AQP9: variants seen among roughly 807,000 people sequenced by gnomAD.
AQP9 encodes the protein aquaporin-9.
In AQP9, 19 loss-of-function variants were observed where a neutral mutation model predicts 23.8. The observed-to-expected ratio is 0.80, with a 90% CI of 0.56 to 1.17. AQP9 has a LOEUF of 1.17. AQP9 is among the 50% of genes most tolerant of loss of function. AQP9 has a pLI of 0.00. For missense variants in AQP9, 413 were observed against 362.0 expected (o/e 1.14, Z -1.14); for synonymous variants, 153 against 131.5 (o/e 1.16, Z -1.12).
At chr15:58,165,763 CA>C (rs1898487226) in intron 1 of AQP9, among the ~76,000 whole-genome samples, 1 of 152,040 alleles carries the variant, frequency 6.6e-6, no homozygotes, top group African/African-American at 2.4e-5. Context: ...TTTCATTCTC[CA>C]AAATATCCTC....
At chr15:58,176,426 G>A (rs1343623824) in intron 4 of AQP9, among the ~76,000 whole-genome samples, 1 of 152,070 alleles carries the variant, frequency 6.6e-6, no homozygotes, top group African/African-American at 2.4e-5. Context: ...GCTGAGGTGG[G>A]AGGATAGCTT....
intron 3 of AQP9, among the ~76,000 whole-genome samples, chr15:58,173,888 C>T (rs184109786): frequency 5.3e-5 from 8 of 152,286 alleles, no homozygotes; most frequent in Admixed American, 1.3e-4. Flanking sequence ...ACTGTTAAAG[C>T]AGCTCCTTCC....
chr15:58,158,751 A>G (rs1185214023), intron 1 of AQP9, among the ~76,000 whole-genome samples: 1 of 152,214 alleles, frequency 6.6e-6, no homozygotes, highest in East Asian at 1.9e-4. Context: ...AGATCACAAA[A>G]GGTAGATAGA....
At chr15:58,168,993 A>G (rs536005341) in intron 2 of AQP9, among the ~76,000 whole-genome samples, 5 of 152,274 alleles carry the variant, frequency 3.3e-5, no homozygotes, top group Middle Eastern at 3.4e-3. Flanking sequence ...CACTGCTGTT[A>G]ACACCCTTCA....
chr15:58,175,884 C>A (rs1338730854), intron 4 of AQP9, among the ~76,000 whole-genome samples: 6 of 152,180 alleles, frequency 3.9e-5, no homozygotes, highest in African/African-American at 1.4e-4. Flanking sequence ...ATCAAACAGG[C>A]AACAAGTGTT....
chr15:58,170,177 C>T (rs1898589956), intron 2 of AQP9, among the ~76,000 whole-genome samples: 1 of 152,142 alleles, frequency 6.6e-6, no homozygotes, highest in Non-Finnish European at 1.5e-5. Context: ...GGTGACCACT[C>T]ATCTCTGCGG....
At chr15:58,155,048 G>C (rs118039649) in intron 1 of AQP9, 11 of 152,278 alleles carry the variant, frequency 7.2e-5, no homozygotes, top group Non-Finnish European at 1.5e-4. Flanking sequence ...ATTTCTACAT[G>C]ATGAAACTTT....
rs1897894807 is a variant in AQP9 at position 58,138,475 on chromosome 15, T to C, written c.-91T>C. The C allele has an allele frequency of 2.1e-6, 2 of 968,972 alleles. No homozygotes were observed. Among genetic ancestry groups the C allele is most frequent in the Non-Finnish European group, 3.2e-6 (2 of 631,408 alleles). 60.0% of individuals were successfully genotyped at this position (968,972 alleles called of 1,614,324 possible). A position where few individuals can be genotyped will look rare whatever the true frequency, so the allele number is the denominator to read the frequency against. ...ACATCTCCAGGAATCTGTGAGCCAT[T>C]GTCAAAACGTCCATTTTCATCTGGC... On this transcript the variant is annotated 5_prime_UTR_variant, in exon 1 of 6. Coordinates refer to ENST00000219919, the MANE Select transcript of AQP9 (RefSeq NM_020980.5).
intron 1 of AQP9, among the ~76,000 whole-genome samples, chr15:58,145,748 C>T (rs1202295979): frequency 1.3e-5 from 2 of 152,186 alleles, no homozygotes; most frequent in Admixed American, 6.5e-5. Flanking sequence ...TTACTGCATA[C>T]ACCCACTACT....
intron 1 of AQP9, chr15:58,154,204 C>T (rs1390066502): frequency 6.6e-6 from 1 of 152,118 alleles, no homozygotes; most frequent in Non-Finnish European, 1.5e-5. Context: ...TCCCCCAACT[C>T]AAGTCTATTT....
chr15:58,168,021 T>C (rs867206623), intron 2 of AQP9, among the ~76,000 whole-genome samples: 32 of 149,984 alleles, frequency 2.1e-4, no homozygotes, highest in African/African-American at 6.9e-4. Context: ...CACCGCACCC[T>C]GCCTGTTTTT....
intron 1 of AQP9, among the ~76,000 whole-genome samples, chr15:58,157,153 C>T (rs138807333): frequency 0.013 from 1,961 of 152,214 alleles, 27 homozygotes; most frequent in Admixed American, 0.021. Flanking sequence ...AAAATATCTA[C>T]TTGAGGATAT....
At chr15:58,179,699 C>A (rs1256871125) in intron 5 of AQP9, among the ~76,000 whole-genome samples, 1 of 152,172 alleles carries the variant, frequency 6.6e-6, no homozygotes, top group East Asian at 1.9e-4. Context: ...AGTTGGGCTA[C>A]AATTTGCATC....
chr15:58,145,275 G>T (rs1233156073), intron 1 of AQP9, among the ~76,000 whole-genome samples: 1 of 151,896 alleles, frequency 6.6e-6, no homozygotes, highest in Non-Finnish European at 1.5e-5. Context: ...GGCCGAGGCA[G>T]GTGGATCACC....
chr15:58,171,816 C>G (rs1487233451), intron 2 of AQP9, among the ~76,000 whole-genome samples: 3 of 151,578 alleles, frequency 2.0e-5, no homozygotes, highest in Non-Finnish European at 4.4e-5. Context: ...AACAAGTGCA[C>G]CTATTGGTTC....
intron 5 of AQP9, among the ~76,000 whole-genome samples, chr15:58,181,140 G>T (rs1394248441): frequency 1.3e-5 from 2 of 152,168 alleles, no homozygotes; most frequent in African/African-American, 4.8e-5. Flanking sequence ...ATGTCCCTTT[G>T]CTCTGTTAAG....
intron 2 of AQP9, among the ~76,000 whole-genome samples, chr15:58,168,324 C>G (rs574773024): frequency 6.6e-6 from 1 of 152,230 alleles, no homozygotes; most frequent in African/African-American, 2.4e-5. Context: ...AGCCACCACA[C>G]CCAGCCAACA....
chr15:58,160,237 T>C (rs747698686), intron 1 of AQP9, among the ~76,000 whole-genome samples: 1 of 145,600 alleles, frequency 6.9e-6, no homozygotes, highest in Non-Finnish European at 1.5e-5. Flanking sequence ...ATTTCTCTGA[T>C]AGTTAATGAT....
intron 5 of AQP9, among the ~76,000 whole-genome samples, chr15:58,182,833 G>T (rs1424465380): frequency 6.6e-6 from 1 of 152,164 alleles, no homozygotes; most frequent in Non-Finnish European, 1.5e-5. Context: ...AGGTGGAAGG[G>T]ACCATGCAGA....
Sources: gnomAD v4.1 joint callset for allele counts (sites outside exome capture counted in the v4.1 genomes callset) on GRCh38, gnomAD v4.1.1 for gene constraint, MANE v1.5 for transcripts, NCBI Gene and HGNC (gene_info 2026-07-23, HGNC 2026-07-21) for gene names.